Variants in TMEM135 observed in about 807,000 individuals in gnomAD.
The protein encoded by TMEM135 is peroxisomal membrane protein 52.
TMEM135 carries 30 observed loss-of-function variants against 60.3 expected under a neutral mutation model. That is an observed-to-expected ratio of 0.50 (90% CI 0.37 to 0.68). The LOEUF is 0.68. Among genes scored for constraint, TMEM135 ranks in the 30% least tolerant of loss-of-function variants. The probability of loss-of-function intolerance (pLI) is 0.00; values close to 1 mark genes in which losing one functional copy is unlikely to be tolerated. For missense variants in TMEM135, 468 were observed against 548.8 expected, an observed-to-expected ratio of 0.85 and a Z score of 1.47; for synonymous variants, 190 against 186.7, an observed-to-expected ratio of 1.02 and a Z score of -0.14.
intron 4 of TMEM135, among the ~76,000 whole-genome samples, chr11:87,134,082 C>A (rs1376394545): frequency 6.6e-6 from 1 of 151,828 alleles, no homozygotes; most frequent in African/African-American, 2.4e-5. Context: ...ACAAGTAACA[C>A]AGACTGTGTG....
intron 13 of TMEM135, 39 bp downstream of exon 13, chr11:87,318,274 C>T (rs768383164): frequency 4.4e-5 from 61 of 1,380,492 alleles, no homozygotes; most frequent in Non-Finnish European, 6.1e-5. Context: ...TGAATGATTC[C>T]TGTTTCTAAT....
At chr11:87,249,350 A>G (rs1176514297) in intron 6 of TMEM135, among the ~76,000 whole-genome samples, 2 of 152,134 alleles carry the variant, frequency 1.3e-5, no homozygotes. Flanking sequence ...TGAAATGAGC[A>G]TATGTTTTTT....
At chr11:87,156,810 C>G (rs534182959) in intron 4 of TMEM135, among the ~76,000 whole-genome samples, 1 of 152,072 alleles carries the variant, frequency 6.6e-6, no homozygotes, top group Non-Finnish European at 1.5e-5. Context: ...TGATAACTTC[C>G]AAGTTGAATT....
At chr11:87,156,875 C>G (rs1213046634) in intron 4 of TMEM135, among the ~76,000 whole-genome samples, 1 of 152,094 alleles carries the variant, frequency 6.6e-6, no homozygotes, top group Non-Finnish European at 1.5e-5. Context: ...TTAAACTTGT[C>G]TAAGCAAACT....
chr11:87,088,152 T>C (rs563550758), intron 3 of TMEM135, among the ~76,000 whole-genome samples: 1 of 152,250 alleles, frequency 6.6e-6, no homozygotes, highest in South Asian at 2.1e-4. Context: ...CTCCTGGACC[T>C]GATAGAAAGT....
intron 6 of TMEM135, among the ~76,000 whole-genome samples, chr11:87,279,721 A>T (rs571846509): frequency 1.0e-3 from 152 of 152,284 alleles, no homozygotes; most frequent in African/African-American, 3.5e-3. Flanking sequence ...TGCTTACTCC[A>T]CCTCATGTAA....
At position 87,262,933 on chromosome 11, in the gene TMEM135, C is replaced by T. The variant is rs114192194; in HGVS notation, c.509+26249C>T. 4.1e-3 allele frequency among the ~76,000 whole-genome samples: 625 copies of T among 151,980 alleles called. 4 individuals carry two copies. The highest frequency in any genetic ancestry group is 0.014 in the African/African-American group (592 of 41,412). ...GGCGTTTTTTGTGAGTATGAGTTGCCTAGGTGGAGTTCTGAGTTGTTTTTG... is the reference window on the plus strand; with the variant it reads ...GGCGTTTTTTGTGAGTATGAGTTGCTTAGGTGGAGTTCTGAGTTGTTTTTG... On this transcript the variant is annotated intron_variant, in intron 6 of 14. Coordinates refer to ENST00000305494, the MANE Select transcript of TMEM135 (RefSeq NM_022918.4).
chr11:87,167,827 A>T (rs571942714), intron 5 of TMEM135, among the ~76,000 whole-genome samples: 1 of 152,294 alleles, frequency 6.6e-6, no homozygotes, highest in African/African-American at 2.4e-5. Flanking sequence ...GCCTCATACA[A>T]TGAGTTGAGG....
intron 6 of TMEM135, among the ~76,000 whole-genome samples, chr11:87,276,019 G>T (rs1194770071): frequency 6.6e-6 from 1 of 152,112 alleles, no homozygotes; most frequent in Non-Finnish European, 1.5e-5. Context: ...GCTCCAGAAG[G>T]ACCCCAACCA....
At chr11:87,236,792 G>C in intron 6 of TMEM135, 108 bp downstream of exon 6, 1 of 1,100,610 alleles carries the variant, frequency 9.1e-7, no homozygotes, top group Non-Finnish European at 1.4e-6. Context: ...CTTACAAGCA[G>C]CATACTCCCC....
At chr11:87,112,744 T>A (rs563828928) in intron 4 of TMEM135, among the ~76,000 whole-genome samples, 82 of 151,750 alleles carry the variant, frequency 5.4e-4, no homozygotes, top group African/African-American at 1.9e-3. Context: ...CGTGTAGGGC[T>A]GATGCCTAGC....
intron 5 of TMEM135, among the ~76,000 whole-genome samples, chr11:87,184,917 AT>A (rs756885355): frequency 2.0e-5 from 3 of 152,184 alleles, no homozygotes; most frequent in Admixed American, 1.3e-4. Flanking sequence ...CACTTTGTAT[AT>A]TATAAAATGA....
At chr11:87,077,350 A>G (rs1856895630) in intron 3 of TMEM135, among the ~76,000 whole-genome samples, 1 of 152,334 alleles carries the variant, frequency 6.6e-6, no homozygotes, top group East Asian at 1.9e-4. Context: ...GCCCAGTAGC[A>G]TTCTACTATA....
rs145977752 is a variant in TMEM135 at position 87,062,347 on chromosome 11, G to A, written c.142-5347G>A. Among the ~76,000 whole-genome samples, 579 of 116,448 alleles carry A rather than the reference G, an allele frequency of 5.0e-3. 4 individuals carry two copies. Among genetic ancestry groups the A allele is most frequent in the African/African-American group, 0.016 (492 of 30,166 alleles). 76.4% of individuals were successfully genotyped at this position (116,448 alleles called of 152,430 possible). A position where few individuals can be genotyped will look rare whatever the true frequency, so the allele number is the denominator to read the frequency against. On this transcript the variant is annotated intron_variant, in intron 1 of 14. Transcript: ENST00000305494. The stretch of plus-strand genomic sequence containing the variant: ...ATTGTTTTATAATTTTCAAATTTAG[G>A]TACATGATTTATTTCAAATTACTTT...
chr11:87,199,600 A>G (rs1380626108), intron 5 of TMEM135, among the ~76,000 whole-genome samples: 2 of 152,166 alleles, frequency 1.3e-5, no homozygotes, highest in Non-Finnish European at 2.9e-5. Flanking sequence ...AGGAAACTAG[A>G]GTAGGTCTGA....
intron 12 of TMEM135, among the ~76,000 whole-genome samples, chr11:87,317,510 T>C (rs555854972): frequency 6.6e-6 from 1 of 152,294 alleles, no homozygotes; most frequent in South Asian, 2.1e-4. Context: ...GTATGTAAAG[T>C]ATCCACCTTA....
At chr11:87,224,620 C>A (rs1201818863) in intron 5 of TMEM135, among the ~76,000 whole-genome samples, 1 of 152,096 alleles carries the variant, frequency 6.6e-6, no homozygotes, top group Non-Finnish European at 1.5e-5. Flanking sequence ...ACAAATTGTT[C>A]ATTTATAACA....
At chr11:87,188,750 C>A (rs1257597052) in intron 5 of TMEM135, among the ~76,000 whole-genome samples, 1 of 151,250 alleles carries the variant, frequency 6.6e-6, no homozygotes. Flanking sequence ...TAATACTTGA[C>A]AAAATTTCAA....
intron 3 of TMEM135, among the ~76,000 whole-genome samples, chr11:87,081,104 T>TTA (rs60482417): frequency 6.6e-6 from 1 of 151,998 alleles, no homozygotes; most frequent in African/African-American, 2.4e-5. Context: ...TTTTTTTTTT[T>TTA]AGCAGATAAT....
Sources: allele counts gnomAD v4.1 joint callset (sites outside exome capture counted in the v4.1 genomes callset), GRCh38; gene constraint gnomAD v4.1.1; transcripts MANE v1.5; gene names NCBI Gene and HGNC (gene_info 2026-07-23, HGNC 2026-07-21).